The following CNTNAP3 variants were observed in gnomAD, a reference collection of about 807,000 sequenced individuals.
CNTNAP3 encodes contactin associated protein family member 3.
CNTNAP3 carries 36 observed loss-of-function variants against 92.1 expected under a neutral mutation model. The ratio of observed to expected loss-of-function variants is 0.39; its 90% CI spans 0.30 to 0.52. The LOEUF (loss-of-function observed/expected upper bound fraction) is 0.52. CNTNAP3 is among the 20% of genes least tolerant of loss of function. CNTNAP3 has a pLI of 0.76. For missense variants in CNTNAP3, 534 were observed against 1,069.6 expected (o/e 0.50, Z 6.98); for synonymous variants, 232 against 422.3 (o/e 0.55, Z 5.53).
chr9:39,147,000 T>C (rs1421258099), intron 10 of CNTNAP3, among the ~76,000 whole-genome samples: 77 of 152,228 alleles, frequency 5.1e-4, no homozygotes, highest in Middle Eastern at 6.8e-3. Context: ...CTGAATCATG[T>C]GGGCAGATCT....
At chr9:39,131,279 C>T (rs1158602221) in intron 13 of CNTNAP3, among the ~76,000 whole-genome samples, 1 of 152,074 alleles carries the variant, frequency 6.6e-6, no homozygotes, top group Non-Finnish European at 1.5e-5. Context: ...ATAAAAGAAA[C>T]CCCATGAGAT....
rs566136348 is a variant in CNTNAP3 at position 39,120,542 on chromosome 9, A to C, written c.2081-2283T>G. Among the ~76,000 whole-genome samples the C allele has an allele frequency of 1.4e-4, 22 of 151,868 alleles. 1 individual carries two copies. Among genetic ancestry groups the C allele is most frequent in the South Asian group, 4.2e-4 (2 of 4,808 alleles). ...AAAAATAGACGAGCGTAGTGGCGGG[A>C]GCCTGTAGTCCCAGCTACTCAGGAG... On this transcript the variant is annotated intron_variant, in intron 13 of 23. Coordinates refer to ENST00000297668, the MANE Select transcript of CNTNAP3 (RefSeq NM_033655.5).
chr9:39,097,007 T>C (rs554830345), intron 18 of CNTNAP3, among the ~76,000 whole-genome samples: 12 of 151,934 alleles, frequency 7.9e-5, no homozygotes, highest in African/African-American at 2.9e-4. Context: ...ACGTATATAT[T>C]GGTGTGCTTA....
At chr9:39,107,409 G>GAAGC (rs1243802160) in intron 15 of CNTNAP3, among the ~76,000 whole-genome samples, 1 of 151,842 alleles carries the variant, frequency 6.6e-6, no homozygotes, top group Admixed American at 6.6e-5. Flanking sequence ...AGGAAGGAAG[G>GAAGC]AAGGAGCCAT....
At chr9:39,075,458 A>T (rs1295171279) in intron 23 of CNTNAP3, among the ~76,000 whole-genome samples, 1 of 152,002 alleles carries the variant, frequency 6.6e-6, no homozygotes, top group East Asian at 1.9e-4. Context: ...AAGCTTCTGA[A>T]GGTAATCAGA....
intron 10 of CNTNAP3, among the ~76,000 whole-genome samples, chr9:39,149,413 G>A (rs1282467620): frequency 6.6e-6 from 1 of 151,526 alleles, no homozygotes; most frequent in Admixed American, 6.6e-5. Context: ...GCAGTGGCGC[G>A]ATCTCTGCTC....
chr9:39,144,763 AG>A (rs1389911204), intron 10 of CNTNAP3, among the ~76,000 whole-genome samples: 1 of 145,920 alleles, frequency 6.9e-6, no homozygotes, highest in East Asian at 2.1e-4. Flanking sequence ...AGAAAGAAAC[AG>A]GAACAGCTTC....
At chr9:39,089,783 G>T (rs1466804629) in intron 18 of CNTNAP3, among the ~76,000 whole-genome samples, 2 of 151,964 alleles carry the variant, frequency 1.3e-5, no homozygotes, top group Admixed American at 1.3e-4. Flanking sequence ...GTATTTCATT[G>T]TGACTTTGAT....
intron 14 of CNTNAP3, among the ~76,000 whole-genome samples, chr9:39,114,021 TATACACACATATATAC>T (rs1426872348): frequency 6.8e-6 from 1 of 146,336 alleles, no homozygotes; most frequent in African/African-American, 2.7e-5. Context: ...CACACATATA[TATACACACATATATAC>T]ACACACACAC....
chr9:39,137,187 T>G (rs2778162), intron 12 of CNTNAP3, among the ~76,000 whole-genome samples: 15,185 of 150,456 alleles, frequency 0.1, 913 homozygotes, highest in African/African-American at 0.17. Flanking sequence ...TGCGGGGGGT[T>G]GGGTTCAGTC....
At chr9:39,129,382 G>C (rs1034184691) in intron 13 of CNTNAP3, among the ~76,000 whole-genome samples, 2 of 152,102 alleles carry the variant, frequency 1.3e-5, no homozygotes, top group Non-Finnish European at 2.9e-5. Flanking sequence ...ATGCAGGAAG[G>C]ATAGCCTTTT....
chr9:39,175,477 CAAAAAAA>C (rs4062735), intron 7 of CNTNAP3, among the ~76,000 whole-genome samples: 1 of 30,822 alleles, frequency 3.2e-5, no homozygotes, highest in African/African-American at 1.7e-4. Context: ...GACTCCGTCT[CAAAAAAA>C]AAAAAAAAAA....
chr9:39,127,310 T>TAAATGCCTACAC (rs1252482814), intron 13 of CNTNAP3, among the ~76,000 whole-genome samples: 1 of 152,022 alleles, frequency 6.6e-6, no homozygotes, highest in Non-Finnish European at 1.5e-5. Context: ...AACGTAGCAC[T>TAAATGCCTACAC]AAATGCCTAC....
chr9:39,077,324 C>T (rs1396091435), intron 23 of CNTNAP3, among the ~76,000 whole-genome samples: 2 of 151,610 alleles, frequency 1.3e-5, no homozygotes, highest in Non-Finnish European at 2.9e-5. Context: ...TTTGGGAGGC[C>T]GAGGCGGGTG....
At position 39,069,646 on chromosome 9, in the gene CNTNAP3, G is replaced by C. The variant is rs1246096801; in HGVS notation, c.*4244C>G. 2.6e-4 allele frequency among the ~76,000 whole-genome samples: 40 copies of C among 152,270 alleles called. No homozygotes were observed. The highest frequency in any genetic ancestry group is 4.6e-4 in the Non-Finnish European group (31 of 67,932). On this transcript the variant is annotated 3_prime_UTR_variant, in exon 24 of 24. Coordinates refer to ENST00000297668, the MANE Select transcript of CNTNAP3 (RefSeq NM_033655.5). The stretch of plus-strand genomic sequence containing the variant: ...AAGTAGTGCTTCAGTACATTTTCCC[G>C]ACGATATGATTAATCCATAATAAAT...
At chr9:39,097,994 C>G (rs900823672) in intron 18 of CNTNAP3, among the ~76,000 whole-genome samples, 2 of 150,270 alleles carry the variant, frequency 1.3e-5, no homozygotes, top group Admixed American at 6.6e-5. Context: ...TGAATGTTAC[C>G]TCCTCTTTAA....
chr9:39,184,373 A>C (rs1563901308), intron 4 of CNTNAP3, among the ~76,000 whole-genome samples: 1 of 146,144 alleles, frequency 6.8e-6, no homozygotes, highest in Non-Finnish European at 1.5e-5. Flanking sequence ...CACATTTCCC[A>C]CCAGCAATGT....
Position 39,103,902 on chromosome 9 carries a change from T to G in CNTNAP3, c.2378A>C (p.Asn793Thr). Residue 793 changes from asparagine (N) to threonine (T), a missense_variant, in exon 16 of 24, where the codon AAT (asparagine) becomes ACT (threonine). Asn to Thr is a moderately conservative substitution (Grantham distance 65). Transcript: ENST00000297668. ...LLCRGDQSFW[N>T]SASFNTETSY... ...AGTCTCAGTGTTGAAGGAAGCTGAATTCCAGAATGACTCTGTTTACAATAG... is the reference window on the plus strand; with the variant it reads ...AGTCTCAGTGTTGAAGGAAGCTGAAGTCCAGAATGACTCTGTTTACAATAG... 2 of 1,607,318 alleles carry G rather than the reference T, an allele frequency of 1.2e-6. No homozygotes were observed. The highest frequency in any genetic ancestry group is 1.7e-6 in the Non-Finnish European group (2 of 1,178,088).
intron 9 of CNTNAP3, chr9:39,159,642 A>G (rs1016089523): frequency 7.3e-6 from 1 of 136,952 alleles, no homozygotes; most frequent in African/African-American, 3.1e-5. Flanking sequence ...ATAGATAGAT[A>G]GATAGATAGA....
Sources: allele counts gnomAD v4.1 joint callset (sites outside exome capture counted in the v4.1 genomes callset), GRCh38; gene constraint gnomAD v4.1.1; transcripts MANE v1.5; gene names NCBI Gene and HGNC (gene_info 2026-07-23, HGNC 2026-07-21).